The following DNAH6 variants were observed in gnomAD, a reference collection of about 807,000 sequenced individuals.
DNAH6 encodes the protein dynein axonemal heavy chain 6.
DNAH6 carries 340 observed loss-of-function variants against 491.4 expected under a neutral mutation model. The ratio of observed to expected loss-of-function variants is 0.69; its 90% CI spans 0.63 to 0.76. The LOEUF (loss-of-function observed/expected upper bound fraction) is 0.76, where lower values mean the gene tolerates loss of function less well. Ranked by LOEUF, DNAH6 falls within the 30% of genes least tolerant of loss-of-function variation. DNAH6 has a pLI of 0.00. For synonymous variants in DNAH6, 1,603 were observed against 1,686.1 expected, an observed-to-expected ratio of 0.95 and a Z score of 1.21; for missense variants, 4,443 against 4,972.2, an observed-to-expected ratio of 0.89 and a Z score of 3.20.
At position 84,548,500 on chromosome 2, in the gene DNAH6, A is replaced by C. The variant is rs559262254; in HGVS notation, c.1316+83A>C. The C allele has an allele frequency of 2.6e-5, 40 of 1,511,358 alleles. No individual in the cohort carries two copies. The South Asian group carries it at 4.4e-4, about 17-fold the overall frequency. 93.6% of individuals were successfully genotyped at this position (1,511,358 alleles called of 1,614,324 possible). A position where few individuals can be genotyped will look rare whatever the true frequency, so the allele number is the denominator to read the frequency against. On this transcript the variant is annotated intron_variant, in intron 8 of 76. Coordinates refer to ENST00000389394, the MANE Select transcript of DNAH6 (RefSeq NM_001370.2). ...AATTAAACCCCAGAAAGTGATGACT[A>C]TGTTAATTTGCATAACTGAAGTAAT...
At chr2:84,811,580 G>T (rs1415952652) in intron 72 of DNAH6, among the ~76,000 whole-genome samples, 2 of 152,180 alleles carry the variant, frequency 1.3e-5, no homozygotes, top group Non-Finnish European at 2.9e-5. Context: ...CCCCTTTCCA[G>T]CCGGGCACGG....
intron 23 of DNAH6, 93 bp downstream of exon 23, chr2:84,617,075 T>C: frequency 1.5e-6 from 1 of 676,728 alleles, no homozygotes; most frequent in Middle Eastern, 3.9e-4. Flanking sequence ...ATGAAGGAAC[T>C]AGAGAGAGAA....
At chr2:84,740,949 C>T (rs1483079978) in intron 62 of DNAH6, among the ~76,000 whole-genome samples, 1 of 152,152 alleles carries the variant, frequency 6.6e-6, no homozygotes, top group South Asian at 2.1e-4. Context: ...TCACCTAAGA[C>T]CAAAATGCTT....
rs1013158735 is a variant in DNAH6 at position 84,541,878 on chromosome 2, A to G, written c.663-2355A>G. The stretch of plus-strand genomic sequence containing the variant: ...TCACTATCCTTGAGTCTTGGAATAC[A>G]TAAAGATTCTCATTCTGCGATGGAC... On this transcript the variant is annotated intron_variant, in intron 4 of 76. Transcript: ENST00000389394. Among the ~76,000 whole-genome samples the G allele has an allele frequency of 3.9e-5, 6 of 152,298 alleles. No homozygotes were observed. In the South Asian group the frequency reaches 1.2e-3, roughly 32 times the overall value.
At position 84,709,515 on chromosome 2, in the gene DNAH6, G is replaced by C; in HGVS notation, c.9221G>C (p.Arg3074Thr). 1 of 1,551,768 alleles carries C rather than the reference G, an allele frequency of 6.4e-7. No individual in the cohort carries two copies. The highest frequency in any genetic ancestry group is 8.7e-7 in the Non-Finnish European group (1 of 1,147,024). Residue 3074 changes from arginine (R) to threonine (T), a missense_variant, in exon 55 of 77, where the codon AGA (arginine) becomes ACA (threonine). Around this residue, in one of 3 missense-constraint regions of DNAH6, gnomAD observed 1,463 missense variants for 1,656.6 expected, o/e 0.88. Coordinates refer to ENST00000389394, the MANE Select transcript of DNAH6 (RefSeq NM_001370.2). ...ENGILVTQGR[R>T]WPLMIDPQDQ... The stretch of plus-strand genomic sequence containing the variant: ...GGCATTTTGGTTACTCAAGGCAGAA[G>C]ATGGCCTTTGATGATTGATCCCCAA...
At chr2:84,774,309 A>G (rs969680454) in intron 64 of DNAH6, among the ~76,000 whole-genome samples, 4 of 152,166 alleles carry the variant, frequency 2.6e-5, no homozygotes, top group Non-Finnish European at 5.9e-5. Context: ...AACACCATTT[A>G]TTAAACAGAA....
At chr2:84,587,787 T>C (rs1018853403) in intron 15 of DNAH6, among the ~76,000 whole-genome samples, 15 of 152,196 alleles carry the variant, frequency 9.9e-5, no homozygotes, top group African/African-American at 3.1e-4. Context: ...AAAGGGAAGC[T>C]TGAATTCCCT....
intron 45 of DNAH6, among the ~76,000 whole-genome samples, chr2:84,690,048 A>T (rs1558914581): frequency 6.6e-6 from 1 of 152,224 alleles, no homozygotes; most frequent in African/African-American, 2.4e-5. Context: ...TCAATGTTCT[A>T]CTTAAAATGC....
chr2:84,817,394 C>T (rs1189074517), intron 76 of DNAH6, among the ~76,000 whole-genome samples: 1 of 152,142 alleles, frequency 6.6e-6, no homozygotes, highest in Non-Finnish European at 1.5e-5. Flanking sequence ...AACCATCTTT[C>T]AAAAGGGAAG....
At chr2:84,588,786 A>C in intron 15 of DNAH6, 40 bp from the exon 16 acceptor site, 1 of 1,474,922 alleles carries the variant, frequency 6.8e-7, no homozygotes, top group African/African-American at 1.4e-5. Flanking sequence ...CTTTATCAAA[A>C]AGCAGGAATG....
chr2:84,525,492 C>T, intron 2 of DNAH6, 73 bp from the exon 3 acceptor site: 1 of 1,416,778 alleles, frequency 7.1e-7, no homozygotes, highest in Non-Finnish European at 9.5e-7. Flanking sequence ...AGAAAGAGTC[C>T]AAAGGTAGTG....
the DNAH6 span, among the ~76,000 whole-genome samples, chr2:84,471,118 G>T: frequency 1.3e-5 from 2 of 152,186 alleles, no homozygotes; most frequent in African/African-American, 2.4e-5. Context: ...AGGACATTAT[G>T]TCAGACATGC....
intron 35 of DNAH6, among the ~76,000 whole-genome samples, chr2:84,655,901 G>C (rs750827243): frequency 6.6e-6 from 1 of 152,082 alleles, no homozygotes; most frequent in Non-Finnish European, 1.5e-5. Flanking sequence ...CACCATTATA[G>C]TATCAGGCAG....
At chr2:84,489,712 G>T in the DNAH6 span, among the ~76,000 whole-genome samples, 1 of 31,466 alleles carries the variant, frequency 3.2e-5, no homozygotes, top group Non-Finnish European at 1.4e-4. Context: ...CTCTGAATTG[G>T]TTAGACCCAC....
chr2:84,708,923 A>T (rs1696784640), intron 54 of DNAH6, among the ~76,000 whole-genome samples: 1 of 152,136 alleles, frequency 6.6e-6, no homozygotes, highest in Admixed American at 6.5e-5. Context: ...TGCACCACTC[A>T]TTGAAGGAGG....
intron 29 of DNAH6, among the ~76,000 whole-genome samples, chr2:84,630,486 A>G (rs1367574276): frequency 6.6e-6 from 1 of 152,162 alleles, no homozygotes; most frequent in East Asian, 1.9e-4. Context: ...GGACCATGTT[A>G]ACACCACAAG....
Position 84,605,602 on chromosome 2 carries a change from T to G in DNAH6, c.3174+10T>G. ...CACAGATGACATACAGGTGGGTAAC[T>G]GGGTTATTGAAAACTTATGGTAAAG... is the stretch of plus-strand genomic sequence containing the variant. On this transcript the variant is annotated intron_variant, in intron 20 of 76. Coordinates refer to ENST00000389394, the MANE Select transcript of DNAH6 (RefSeq NM_001370.2). 1 of 1,537,380 alleles carries G rather than the reference T, an allele frequency of 6.5e-7. No individual in the cohort carries two copies. Among genetic ancestry groups the G allele is most frequent in the Non-Finnish European group, 8.8e-7 (1 of 1,135,174 alleles).
At chr2:84,818,289 T>C (rs182008281) in intron 76 of DNAH6, among the ~76,000 whole-genome samples, 10 of 151,762 alleles carry the variant, frequency 6.6e-5, no homozygotes, top group Non-Finnish European at 1.2e-4. Flanking sequence ...AACTCAAACC[T>C]GCCAGCCTGG....
At chr2:84,566,737 G>C (rs897912619) in intron 11 of DNAH6, among the ~76,000 whole-genome samples, 15 of 151,988 alleles carry the variant, frequency 9.9e-5, no homozygotes, top group African/African-American at 3.6e-4. Context: ...GTACTATACT[G>C]CCCAAATATT....
Sources: gnomAD v4.1 joint callset for allele counts (sites outside exome capture counted in the v4.1 genomes callset) on GRCh38, gnomAD v4.1.1 for gene constraint, gnomAD v4.1.1 regional missense constraint, MANE v1.5 for transcripts, NCBI Gene and HGNC (gene_info 2026-07-23, HGNC 2026-07-21) for gene names.